Variants in CD22 observed in about 807,000 individuals in gnomAD.
CD22 encodes the protein CD22 molecule, also known as B-cell receptor CD22.
In CD22, 51 loss-of-function variants were observed where a neutral mutation model predicts 94.7. The ratio of observed to expected loss-of-function variants is 0.54; its 90% confidence interval spans 0.43 to 0.68. CD22 has a LOEUF of 0.68. Among genes scored for constraint, CD22 ranks in the 30% least tolerant of loss-of-function variants. The pLI is 0.00. For synonymous variants in CD22, 424 were observed against 422.5 expected, an observed-to-expected ratio of 1.00 and a Z score of -0.04; for missense variants, 931 against 1,060.4, an observed-to-expected ratio of 0.88 and a Z score of 1.69.
At chr19:35,346,126 G>T (rs752998439) in intron 12 of CD22, 25 bp from the exon 13 acceptor site, 2 of 1,580,814 alleles carry the variant, frequency 1.3e-6, no homozygotes, top group East Asian at 4.5e-5. Flanking sequence ...TTCATGCGTG[G>T]TCGTCTATCT....
At position 35,340,905 on chromosome 19, in the gene CD22, T is replaced by G. The variant is rs1430160083; in HGVS notation, c.1274T>G (p.Val425Gly). The change falls in exon 7 of 14, where the codon GTG becomes GGG. Residue 425 changes from valine to glycine, a missense_variant. Val to Gly is a moderately radical substitution (Grantham distance 109). Coordinates refer to ENST00000085219, the MANE Select transcript of CD22 (RefSeq NM_001771.4). Reference protein sequence around the residue: ...VQYPPKKVTTVIQNPMPIREG... With the variant: ...VQYPPKKVTTGIQNPMPIREG... Reference sequence around the variant, plus strand: ...GATCCTCCCAAGAAGGTGACCACAGTGATTCAAAACCCCATGCCGATTCGA... The same window carrying G: ...GATCCTCCCAAGAAGGTGACCACAGGGATTCAAAACCCCATGCCGATTCGA... 1.1e-5 allele frequency: 17 copies of G among 1,614,030 alleles called. No homozygotes were observed. In the Admixed American group the frequency reaches 2.8e-4, roughly 27 times the overall value.
At chr19:35,344,140 G>C (rs2066862660) in intron 9 of CD22, among the ~76,000 whole-genome samples, 1 of 151,936 alleles carries the variant, frequency 6.6e-6, no homozygotes, top group African/African-American at 2.4e-5. Context: ...AGGTTGCAGT[G>C]AGCCAAGATC....
intron 9 of CD22, among the ~76,000 whole-genome samples, chr19:35,342,543 C>T (rs141001772): frequency 4.7e-4 from 71 of 152,222 alleles, no homozygotes; most frequent in African/African-American, 1.7e-3. Flanking sequence ...ACCAGCTGGC[C>T]CCTTCTTCCC....
chr19:35,338,579 C>T (rs943510555), intron 6 of CD22, 148 bp downstream of exon 6: 5 of 765,718 alleles, frequency 6.5e-6, no homozygotes, highest in Non-Finnish European at 1.0e-5. Context: ...GTCTCAGCTC[C>T]TAGCATAGGG....
At chr19:35,336,395 C>A in intron 4 of CD22, 54 bp downstream of exon 4, 1 of 1,558,878 alleles carries the variant, frequency 6.4e-7, no homozygotes, top group South Asian at 1.2e-5. Context: ...CACCTTCTCC[C>A]CAGCCCCGCA....
Position 35,346,718 on chromosome 19 carries a change from A to G in CD22, c.*21A>G. 1 of 1,589,974 alleles carries G rather than the reference A, an allele frequency of 6.3e-7. No individual in the cohort carries two copies. The highest frequency in any genetic ancestry group is 8.6e-7 in the Non-Finnish European group (1 of 1,165,534). On this transcript the variant is annotated 3_prime_UTR_variant, in exon 14 of 14. Transcript: ENST00000085219. ...ATTGACACTGGATGGGCTGCAGCAG[A>G]GGCACTGGGGGCAGCGGGGGCCAGG...
chr19:35,331,124 T>C (rs996919798), intron 1 of CD22: 5 of 152,310 alleles, frequency 3.3e-5, no homozygotes, highest in Admixed American at 2.6e-4. Flanking sequence ...GGTTTTGCCA[T>C]GTTGGCCAGG....
chr19:35,333,839 C>T (rs1181810382), intron 3 of CD22, among the ~76,000 whole-genome samples: 2 of 152,182 alleles, frequency 1.3e-5, no homozygotes, highest in East Asian at 3.8e-4. Context: ...CATGAGTCAC[C>T]GCACCCGGCC....
chr19:35,331,849 A>T lies in CD22; in HGVS notation c.-22-170A>T, dbSNP rs543321068. 221 of 1,394,026 alleles carry T rather than the reference A, an allele frequency of 1.6e-4. 1 individual carries two copies. The African/African-American group carries it at 2.7e-3, about 17-fold the overall frequency. 86.4% of individuals were successfully genotyped at this position (1,394,026 alleles called of 1,614,324 possible). On this transcript the variant is annotated intron_variant, in intron 1 of 13. Coordinates refer to ENST00000085219, the MANE Select transcript of CD22 (RefSeq NM_001771.4). Reference sequence around the variant, plus strand: ...GAGACAGAGCAAGACTCTGTCTCAAAAAAAAAGAAAGAACTCCGTGAGCAT... The same window carrying T: ...GAGACAGAGCAAGACTCTGTCTCAATAAAAAAGAAAGAACTCCGTGAGCAT...
chr19:35,333,799 T>G (rs1010738372), intron 3 of CD22, among the ~76,000 whole-genome samples: 2 of 152,186 alleles, frequency 1.3e-5, no homozygotes, highest in Admixed American at 6.5e-5. Flanking sequence ...ATCCTCCTGC[T>G]TCAACCTCTC....
Position 35,344,845 on chromosome 19 carries a change from C to T in CD22, c.2052C>T (p.Ile684=), listed in dbSNP as rs149819477. 806 of 1,612,378 alleles carry T rather than the reference C, an allele frequency of 5.0e-4. No homozygotes were observed. The highest frequency in any genetic ancestry group is 6.4e-4 in the Non-Finnish European group (757 of 1,178,826). The change falls in exon 10 of 14, where the codon ATC becomes ATT. Residue 684 remains isoleucine, a synonymous_variant. Transcript: ENST00000085219. The part of the protein sequence containing the change: ...TLTVYYSPET[I]GRRVAVGLGS... ...TCCACCCAGATAGCCCGGAGACCAT[C>T]GGCAGGCGAGTGGCTGTGGGACTCG...
Position 35,344,862 on chromosome 19 carries a change from T to C in CD22, c.2069T>C (p.Val690Ala). 1 of 1,613,706 alleles carries C rather than the reference T, an allele frequency of 6.2e-7. No individual in the cohort carries two copies. The stretch of plus-strand genomic sequence containing the variant: ...GAGACCATCGGCAGGCGAGTGGCTG[T>C]GGGACTCGGGTCCTGCCTCGCCATC... ...SPETIGRRVA[V>A]GLGSCLAILI... Residue 690 changes from valine to alanine, a missense_variant, in exon 10 of 14, where the codon GTG becomes GCG. By Grantham distance (64) the Val-to-Ala change is moderately conservative (BLOSUM62 0). Transcript: ENST00000085219.
chr19:35,346,838 T>A lies in CD22; in HGVS notation c.*141T>A. On this transcript the variant is annotated 3_prime_UTR_variant, in exon 14 of 14. Transcript: ENST00000085219. ...CACACGCACACACACACACACACACTCACTGCGGAGAACCTTGTGCCTGGC... is the reference window on the plus strand; with the variant it reads ...CACACGCACACACACACACACACACACACTGCGGAGAACCTTGTGCCTGGC... 5.7e-5 allele frequency: 44 copies of A among 767,712 alleles called. No homozygotes were observed. The highest frequency in any genetic ancestry group is 1.1e-4 in the African/African-American group (6 of 54,120). The allele number at this position is 767,712 out of a possible 1,614,324, so 47.6% of individuals were successfully genotyped here. A position where few individuals can be genotyped will look rare whatever the true frequency, so the allele number is the denominator to read the frequency against.
In CD22 at chr19:35,341,072, A is replaced by G. The variant is rs1568488928; in HGVS notation, c.1441A>G (p.Thr481Ala). The stretch of plus-strand genomic sequence containing the variant: ...CCAAAACGTTGGCTGGGACAACACA[A>G]CCATCGCCTGCGCAGCTTGTAATAG... ...KIQNVGWDNT[T>A]IACAACNSWC... Residue 481 changes from threonine (T) to alanine (A), a missense_variant, in exon 7 of 14, where the codon ACC becomes GCC. Transcript: ENST00000085219. The surrounding 1 kb of genome is among the most constrained non-coding windows in gnomAD (Gnocchi z 4.0). 1 of 1,614,168 alleles carries G rather than the reference A, an allele frequency of 6.2e-7. No individual in the cohort carries two copies.
At chr19:35,344,592 C>T in intron 9 of CD22, 1 of 505,828 alleles carries the variant, frequency 2.0e-6, no homozygotes, top group East Asian at 3.3e-5. Context: ...GTCACAGGCT[C>T]TGGGCGTGCC....
intron 3 of CD22, among the ~76,000 whole-genome samples, chr19:35,333,383 A>G (rs1480651996): frequency 6.6e-6 from 1 of 152,092 alleles, no homozygotes; most frequent in Non-Finnish European, 1.5e-5. Flanking sequence ...AGAGCTCCCT[A>G]TAGAGGAAAC....
intron 9 of CD22, among the ~76,000 whole-genome samples, chr19:35,343,963 C>G (rs2066858600): frequency 1.3e-5 from 2 of 152,160 alleles, no homozygotes; most frequent in South Asian, 4.1e-4. Flanking sequence ...TGGGAGGCCA[C>G]AAGGTGGGTG....
chr19:35,344,413 T>C (rs1404691990), intron 9 of CD22, among the ~76,000 whole-genome samples: 1 of 152,262 alleles, frequency 6.6e-6, no homozygotes, highest in Admixed American at 6.5e-5. Flanking sequence ...CTCCTCCCAG[T>C]GCCCTCTTCA....
chr19:35,346,649 G>A lies in CD22; in HGVS notation c.2496G>A (p.Glu832=), dbSNP rs1368034172. 1.2e-6 allele frequency: 2 copies of A among 1,608,670 alleles called. No individual in the cohort carries two copies. Among genetic ancestry groups the A allele is most frequent in the Admixed American group, 1.7e-5 (1 of 59,230 alleles). Residue 832 remains glutamate (E), a synonymous_variant, in exon 14 of 14, where the codon GAG becomes GAA. Transcript: ENST00000085219. The stretch of plus-strand genomic sequence containing the variant: ...AGCTGATCCAGTTTGGGGTCGGGGA[G>A]CGGCCTCAGGCACAAGAAAATGTGG... ...YSELIQFGVG[E]RPQAQENVDY...
Sources: allele counts gnomAD v4.1 joint callset (sites outside exome capture counted in the v4.1 genomes callset), GRCh38; gene constraint gnomAD v4.1.1; non-coding constraint Gnocchi (gnomAD v3.1); transcripts MANE v1.5; gene names NCBI Gene and HGNC (gene_info 2026-07-23, HGNC 2026-07-21).